The following CTNNA3 variants were observed in gnomAD, a reference collection of about 807,000 sequenced individuals.
CTNNA3 encodes the protein catenin alpha-3.
A neutral mutation model predicts 95.7 loss-of-function variants in CTNNA3; 76 were observed. The ratio of observed to expected loss-of-function variants is 0.79; its 90% CI spans 0.66 to 0.96. CTNNA3 has a LOEUF of 0.96. Ranked by LOEUF, CTNNA3 falls within the 40% of genes least tolerant of loss-of-function variation. The probability of loss-of-function intolerance (pLI) is 0.00; values close to 1 mark genes in which losing one functional copy is unlikely to be tolerated. For missense variants in CTNNA3, 1,191 were observed against 1,089.8 expected (o/e 1.09, Z -1.31); for synonymous variants, 431 against 374.4 (o/e 1.15, Z -1.74).
At position 67,237,126 on chromosome 10, in the gene CTNNA3, G is replaced by GTGTATA. The variant is rs1589068967; in HGVS notation, c.580-17257_580-17256insTATACA. Among the ~76,000 whole-genome samples the GTGTATA allele has an allele frequency of 7.5e-5, 3 of 39,876 alleles. 1 individual carries two copies. The highest frequency in any genetic ancestry group is 1.0e-3 in the East Asian group (1 of 978). The allele number at this position is 39,876 out of a possible 152,430, so 26.2% of individuals were successfully genotyped here. A position where few individuals can be genotyped will look rare whatever the true frequency, so the allele number is the denominator to read the frequency against. On this transcript the variant is annotated intron_variant, in intron 5 of 17. Transcript: ENST00000433211. ...AGTGGATAAAGAAACTATGGTGTAT[G>GTGTATA]TATATATATATATATATATATATAT...
At chr10:66,901,633 C>T (rs1438021895) in intron 7 of CTNNA3, among the ~76,000 whole-genome samples, 1 of 152,076 alleles carries the variant, frequency 6.6e-6, no homozygotes, top group Admixed American at 6.6e-5. Context: ...AGGAGACCCA[C>T]CTCATGTGCA....
chr10:67,589,357 C>T (rs1842728182), intron 3 of CTNNA3, among the ~76,000 whole-genome samples: 1 of 151,898 alleles, frequency 6.6e-6, no homozygotes, highest in South Asian at 2.1e-4. Context: ...ATACCCAGGG[C>T]CCAAAATAGT....
chr10:66,905,652 G>C (rs1845957917), intron 7 of CTNNA3, among the ~76,000 whole-genome samples: 1 of 152,104 alleles, frequency 6.6e-6, no homozygotes, highest in African/African-American at 2.4e-5. Flanking sequence ...GAAAAACATG[G>C]TATATACACA....
intron 12 of CTNNA3, among the ~76,000 whole-genome samples, chr10:66,300,300 G>A (rs184996478): frequency 6.6e-6 from 1 of 152,226 alleles, no homozygotes; most frequent in East Asian, 1.9e-4. Flanking sequence ...TAGTACACTT[G>A]CAAGGCATGA....
At chr10:67,493,495 G>C (rs375080457) in intron 5 of CTNNA3, among the ~76,000 whole-genome samples, 14 of 150,614 alleles carry the variant, frequency 9.3e-5, no homozygotes, top group African/African-American at 3.4e-4. Flanking sequence ...CCGGGAGGCG[G>C]AGCTTGCAGT....
At position 66,708,751 on chromosome 10, in the gene CTNNA3, CCTAGG is replaced by C. The variant is rs1848200261; in HGVS notation, c.1281+57508_1281+57512del. ...CCTCAAAGTTGATCATGTCTCACCA[CCTAGG>C]CAATGCTGAAATCCCTCGTAAGGTT... On this transcript the variant is annotated intron_variant, in intron 9 of 17. Coordinates refer to ENST00000433211, the MANE Select transcript of CTNNA3 (RefSeq NM_013266.4). Among the ~76,000 whole-genome samples the C allele has an allele frequency of 4.6e-5, 7 of 152,132 alleles. No individual in the cohort carries two copies. In the South Asian group the frequency reaches 1.5e-3, roughly 32 times the overall value.
At chr10:67,609,638 A>C (rs1176038324) in intron 2 of CTNNA3, among the ~76,000 whole-genome samples, 1 of 152,188 alleles carries the variant, frequency 6.6e-6, no homozygotes, top group Non-Finnish European at 1.5e-5. Context: ...AAATAAAAAC[A>C]ATCATTGTTA....
At chr10:67,444,139 G>C (rs960642684) in intron 5 of CTNNA3, among the ~76,000 whole-genome samples, 3 of 152,050 alleles carry the variant, frequency 2.0e-5, no homozygotes, top group East Asian at 3.9e-4. Flanking sequence ...CAGATCATAT[G>C]TTAGGTCCCA....
At chr10:67,214,179 T>C (rs560849538) in intron 6 of CTNNA3, among the ~76,000 whole-genome samples, 6 of 151,956 alleles carry the variant, frequency 3.9e-5, no homozygotes, top group African/African-American at 1.4e-4. Flanking sequence ...TGTGTGTACA[T>C]CCTTCTTTTT....
intron 7 of CTNNA3, among the ~76,000 whole-genome samples, chr10:66,803,795 A>T (rs567076228): frequency 5.3e-5 from 8 of 152,162 alleles, no homozygotes; most frequent in African/African-American, 1.9e-4. Flanking sequence ...CTGATTCCAA[A>T]ATCCATTCTC....
intron 13 of CTNNA3, among the ~76,000 whole-genome samples, chr10:66,129,112 A>G (rs769832389): frequency 2.6e-5 from 4 of 152,080 alleles, no homozygotes; most frequent in Non-Finnish European, 4.4e-5. Flanking sequence ...TAAAAATACA[A>G]AATTAGCTGG....
At chr10:67,251,158 G>T (rs2132357866) in intron 5 of CTNNA3, among the ~76,000 whole-genome samples, 1 of 152,206 alleles carries the variant, frequency 6.6e-6, no homozygotes, top group South Asian at 2.1e-4. Context: ...CAATGAAAGG[G>T]GATATAGTAC....
chr10:66,840,450 T>A (rs1157335165), intron 7 of CTNNA3, among the ~76,000 whole-genome samples: 2 of 148,170 alleles, frequency 1.3e-5, no homozygotes, highest in Non-Finnish European at 3.0e-5. Flanking sequence ...CAGTACTGCA[T>A]TTACACCCTT....
At chr10:67,294,861 A>C (rs1044593185) in intron 5 of CTNNA3, among the ~76,000 whole-genome samples, 1 of 152,186 alleles carries the variant, frequency 6.6e-6, no homozygotes, top group African/African-American at 2.4e-5. Flanking sequence ...TACAGCCCTA[A>C]TTTTTGTTCA....
chr10:66,081,066 G>A (rs990964515), intron 14 of CTNNA3, among the ~76,000 whole-genome samples: 24 of 152,280 alleles, frequency 1.6e-4, no homozygotes, highest in South Asian at 2.1e-4. Flanking sequence ...TACTCAGAAG[G>A]AATCCCATCA....
rs542393611 is a variant in CTNNA3 at position 67,237,618 on chromosome 10, G to A, written c.580-17748C>T. 3.3e-5 allele frequency among the ~76,000 whole-genome samples: 5 copies of A among 152,168 alleles called. No individual in the cohort carries two copies. The East Asian group carries it at 9.7e-4, about 29-fold the overall frequency. On this transcript the variant is annotated intron_variant, in intron 5 of 17. Transcript: ENST00000433211. The stretch of plus-strand genomic sequence containing the variant: ...AAAAGAAGCTATCCCTATGAGCAAT[G>A]CAGAACAAAAGAGCATGTGGAAAGG...
intron 13 of CTNNA3, among the ~76,000 whole-genome samples, chr10:66,112,922 G>A (rs565231633): frequency 1.4e-4 from 21 of 152,168 alleles, no homozygotes; most frequent in Admixed American, 2.0e-4. Flanking sequence ...GAATAATGCC[G>A]AAATAAACAT....
At chr10:67,123,900 G>A (rs981820721) in intron 7 of CTNNA3, among the ~76,000 whole-genome samples, 1 of 152,142 alleles carries the variant, frequency 6.6e-6, no homozygotes, top group Admixed American at 6.6e-5. Flanking sequence ...ACTAAACACA[G>A]CCCTGAGGAC....
At chr10:66,216,380 C>G (rs1385339891) in intron 13 of CTNNA3, among the ~76,000 whole-genome samples, 3 of 152,208 alleles carry the variant, frequency 2.0e-5, no homozygotes, top group African/African-American at 7.2e-5. Flanking sequence ...TCACTGTCAC[C>G]CATGACTAGG....
Sources: allele counts gnomAD v4.1 joint callset (sites outside exome capture counted in the v4.1 genomes callset), GRCh38; gene constraint gnomAD v4.1.1; transcripts MANE v1.5; gene names NCBI Gene and HGNC (gene_info 2026-07-23, HGNC 2026-07-21).